Variants in COG3 observed in about 807,000 individuals in gnomAD.
COG3 encodes component of oligomeric golgi complex 3, also known as conserved oligomeric Golgi complex subunit 3.
Under a neutral mutation model 114.1 loss-of-function variants are expected in COG3, and 32 were observed. The ratio of observed to expected loss-of-function variants is 0.28; its 90% CI spans 0.21 to 0.38. The LOEUF (loss-of-function observed/expected upper bound fraction) is 0.38. Among genes scored for constraint, COG3 ranks in the 10% least tolerant of loss-of-function variants. The pLI is 1.00. For synonymous variants in COG3, 352 were observed against 365.7 expected, an observed-to-expected ratio of 0.96 and a Z score of 0.43; for missense variants, 813 against 973.2, an observed-to-expected ratio of 0.84 and a Z score of 2.19.
chr13:45,511,782 A>T lies in COG3; in HGVS notation c.1737A>T (p.Gly579=), dbSNP rs1870897825. The T allele has an allele frequency of 5.6e-6, 9 of 1,613,762 alleles. No homozygotes were observed. The highest frequency in any genetic ancestry group is 7.6e-6 in the Non-Finnish European group (9 of 1,179,752). ...YRCIDRAVFQ[G]LSQEALSACI... The stretch of plus-strand genomic sequence containing the variant: ...TCCACCAGAGGGCAGTGTTCCAAGG[A>T]TTATCACAGGAAGCATTGTCTGCCT... Residue 579 remains glycine (G), a synonymous_variant, in exon 16 of 23, where the codon GGA becomes GGT. Transcript: ENST00000349995.
intron 5 of COG3, among the ~76,000 whole-genome samples, chr13:45,481,712 C>G (rs1286773856): frequency 2.6e-5 from 4 of 152,110 alleles, no homozygotes; most frequent in African/African-American, 9.7e-5. Context: ...ATAGTTGCAT[C>G]CCAATAAAGT....
At position 45,530,672 on chromosome 13, in the gene COG3, CCTT is replaced by C; in HGVS notation, c.2359-9_2359-7del. On this transcript the variant is annotated splice_polypyrimidine_tract_variant and splice_region_variant and intron_variant, in intron 21 of 22. Coordinates refer to ENST00000349995, the MANE Select transcript of COG3 (RefSeq NM_031431.4). ...CTCATTTGATAAGATCTCCTCTCCT[CCTT>C]TCTAAGAATAATATTCAGCAAGTCT... 2 of 1,534,638 alleles carry C rather than the reference CCTT, an allele frequency of 1.3e-6. No individual in the cohort carries two copies. Among genetic ancestry groups the C allele is most frequent in the Non-Finnish European group, 1.8e-6 (2 of 1,107,978 alleles).
intron 8 of COG3, among the ~76,000 whole-genome samples, chr13:45,489,177 A>G (rs1258487095): frequency 9.4e-6 from 1 of 106,322 alleles, no homozygotes; most frequent in East Asian, 2.5e-4. Flanking sequence ...ACAAAGTGAG[A>G]CTCTGTTTCA....
intron 17 of COG3, among the ~76,000 whole-genome samples, chr13:45,516,958 A>G (rs1041531147): frequency 2.0e-5 from 3 of 152,186 alleles, no homozygotes; most frequent in African/African-American, 7.2e-5. Flanking sequence ...ACATTGAATC[A>G]TCTTGAGAAA....
intron 19 of COG3, 74 bp from the exon 20 acceptor site, chr13:45,524,884 TCCCTTGAGAGCAGTACCA>T (rs1304273577): frequency 2.1e-5 from 17 of 806,838 alleles, no homozygotes; most frequent in South Asian, 2.1e-4. Flanking sequence ...GTGTTGTGTA[TCCCTTGAGAGCAGTACCA>T]CCCTTGAGAG....
At chr13:45,500,159 G>A (rs924975701) in intron 13 of COG3, among the ~76,000 whole-genome samples, 4 of 151,072 alleles carry the variant, frequency 2.6e-5, no homozygotes, top group African/African-American at 9.7e-5. Context: ...TCCAAAGGCA[G>A]TTTTGGTGCT....
At chr13:45,481,818 C>A (rs935460970) in intron 5 of COG3, among the ~76,000 whole-genome samples, 6 of 149,802 alleles carry the variant, frequency 4.0e-5, no homozygotes, top group Admixed American at 3.9e-4. Flanking sequence ...TTATTAAAAT[C>A]GTTTAATCAT....
At chr13:45,473,534 T>C (rs183824873) in intron 1 of COG3, among the ~76,000 whole-genome samples, 47 of 152,348 alleles carry the variant, frequency 3.1e-4, no homozygotes, top group Non-Finnish European at 6.2e-4. Flanking sequence ...TAGAACTAAA[T>C]TTTATTGCTA....
intron 12 of COG3, among the ~76,000 whole-genome samples, chr13:45,494,512 A>G (rs774637985): frequency 2.6e-5 from 4 of 151,850 alleles, no homozygotes; most frequent in Non-Finnish European, 5.9e-5. Flanking sequence ...TTTAAAATTC[A>G]TATGGTTTTT....
Position 45,476,185 on chromosome 13 carries a change from A to G in COG3, c.175-16A>G. The G allele has an allele frequency of 6.2e-7, 1 of 1,612,536 alleles. No homozygotes were observed. The highest frequency in any genetic ancestry group is 1.1e-5 in the South Asian group (1 of 90,896). ...TTCAAGTCACTTAAATATCTTTGTG[A>G]CTCTCTTTTTTCAAGCTTCCAATTG... On this transcript the variant is annotated splice_polypyrimidine_tract_variant and intron_variant, in intron 1 of 22. Transcript: ENST00000349995.
In COG3 at chr13:45,534,809, G is replaced by C; in HGVS notation, c.*78G>C. The C allele has an allele frequency of 6.7e-7, 1 of 1,486,254 alleles. No individual in the cohort carries two copies. The highest frequency in any genetic ancestry group is 8.9e-7 in the Non-Finnish European group (1 of 1,120,258). The allele number at this position is 1,486,254 out of a possible 1,614,324, so 92.1% of individuals were successfully genotyped here. Reference sequence around the variant, plus strand: ...GAAGTCTTGCAGTCTGCAGGACACCGAGGAATCGTATGTGGGAACGTCCCC... The same window carrying C: ...GAAGTCTTGCAGTCTGCAGGACACCCAGGAATCGTATGTGGGAACGTCCCC... On this transcript the variant is annotated 3_prime_UTR_variant, in exon 23 of 23. Coordinates refer to ENST00000349995, the MANE Select transcript of COG3 (RefSeq NM_031431.4).
chr13:45,515,177 A>G (rs1566267224), intron 16 of COG3, among the ~76,000 whole-genome samples: 1 of 152,176 alleles, frequency 6.6e-6, no homozygotes, highest in Non-Finnish European at 1.5e-5. Flanking sequence ...CAAGTATTTA[A>G]AATGTGTAGC....
intron 8 of COG3, among the ~76,000 whole-genome samples, chr13:45,487,844 A>G (rs1404914800): frequency 6.6e-6 from 1 of 152,206 alleles, no homozygotes; most frequent in Non-Finnish European, 1.5e-5. Context: ...AAAAAACTAA[A>G]AATAGAGCTG....
chr13:45,498,224 T>C lies in COG3; in HGVS notation c.1488+1912T>C, dbSNP rs1000663051. Among the ~76,000 whole-genome samples the C allele has an allele frequency of 1.4e-4, 22 of 152,142 alleles. No individual in the cohort carries two copies. The South Asian group carries it at 1.9e-3, about 13-fold the overall frequency. ...TCATTCCTAAGTACTTCAGTTCTTA[T>C]TCTCGTAAGAATAAAGACAATTGTT... On this transcript the variant is annotated intron_variant, in intron 13 of 22. Coordinates refer to ENST00000349995, the MANE Select transcript of COG3 (RefSeq NM_031431.4).
rs528267820 is a variant in COG3 at position 45,487,888 on chromosome 13, T to TC, written c.924+1313_924+1314insC. 9.8e-5 allele frequency among the ~76,000 whole-genome samples: 15 copies of TC among 152,348 alleles called. No homozygotes were observed. In the South Asian group the frequency reaches 3.1e-3, roughly 32 times the overall value. On this transcript the variant is annotated intron_variant, in intron 8 of 22. Coordinates refer to ENST00000349995, the MANE Select transcript of COG3 (RefSeq NM_031431.4). The stretch of plus-strand genomic sequence containing the variant: ...TCCAGCAATACCTCTACTGGGTATT[T>TC]ATCCAAAGGCAAGGAAATCAGTATA...
chr13:45,533,763 T>A (rs1251794270), intron 22 of COG3, among the ~76,000 whole-genome samples: 1 of 152,232 alleles, frequency 6.6e-6, no homozygotes, highest in Non-Finnish European at 1.5e-5. Context: ...TTAGACAGCC[T>A]TTCTTGACCT....
At chr13:45,483,097 G>C in intron 6 of COG3, 133 bp from the exon 7 acceptor site, 3 of 586,918 alleles carry the variant, frequency 5.1e-6, no homozygotes, top group Non-Finnish European at 8.7e-6. Flanking sequence ...TCTTCATGGA[G>C]TTTATGATCT....
At position 45,492,204 on chromosome 13, in the gene COG3, C is replaced by T. The variant is rs1887061948; in HGVS notation, c.1141C>T (p.His381Tyr). ...AFMVHVCQDE[H>Y]QLYNEFFTKP... The stretch of plus-strand genomic sequence containing the variant: ...CATGGTTCATGTCTGCCAGGATGAA[C>T]ACCAACTTTACAATGAATTTTTCAC... The change falls in exon 11 of 23, where the codon CAC becomes TAC. Residue 381 changes from histidine to tyrosine, a missense_variant. His to Tyr is a moderately conservative substitution (Grantham distance 83). This residue lies in a region of COG3 where 389 missense variants were observed against 542.6 expected (regional missense o/e 0.72). Coordinates refer to ENST00000349995, the MANE Select transcript of COG3 (RefSeq NM_031431.4). The T allele has an allele frequency of 6.2e-7, 1 of 1,610,008 alleles. No individual in the cohort carries two copies. Among genetic ancestry groups the T allele is most frequent in the African/African-American group, 1.3e-5 (1 of 74,772 alleles).
intron 17 of COG3, among the ~76,000 whole-genome samples, chr13:45,516,707 A>G (rs1181031209): frequency 2.0e-5 from 3 of 152,154 alleles, no homozygotes; most frequent in Non-Finnish European, 2.9e-5. Context: ...TTCCTGTCCC[A>G]TCATTTCCCG....
Sources: allele counts gnomAD v4.1 joint callset (sites outside exome capture counted in the v4.1 genomes callset), GRCh38; gene constraint gnomAD v4.1.1; regional missense constraint gnomAD v4.1.1; transcripts MANE v1.5; gene names NCBI Gene and HGNC (gene_info 2026-07-23, HGNC 2026-07-21).